TTBK2: variants seen among roughly 807,000 people sequenced by gnomAD.
The protein encoded by TTBK2 is tau tubulin kinase 2, also known as tau-tubulin kinase 2.
In TTBK2, 28 loss-of-function variants were observed where a neutral mutation model predicts 110.8. The observed-to-expected ratio is 0.25, with a 90% confidence interval of 0.19 to 0.35. TTBK2 has a LOEUF of 0.35. Among genes scored for constraint, TTBK2 ranks in the 10% least tolerant of loss-of-function variants. The probability of loss-of-function intolerance (pLI) is 1.00; values close to 1 mark genes in which losing one functional copy is unlikely to be tolerated. For missense variants in TTBK2, 1,369 were observed against 1,500.3 expected (o/e 0.91, Z 1.45); for synonymous variants, 532 against 527.3 (o/e 1.01, Z -0.12).
At chr15:42,789,264 T>G (rs1890540146) in intron 10 of TTBK2, among the ~76,000 whole-genome samples, 1 of 151,048 alleles carries the variant, frequency 6.6e-6, no homozygotes, top group Admixed American at 6.7e-5. Context: ...TCAATCTCTG[T>G]GTATTTGAGT....
At chr15:42,839,226 G>A (rs936577158) in intron 4 of TTBK2, among the ~76,000 whole-genome samples, 3 of 152,086 alleles carry the variant, frequency 2.0e-5, no homozygotes, top group Admixed American at 1.3e-4. Context: ...GCATTAATTT[G>A]CTTAGGATAA....
intron 2 of TTBK2, among the ~76,000 whole-genome samples, chr15:42,873,164 G>A (rs910273028): frequency 3.3e-5 from 5 of 152,130 alleles, no homozygotes; most frequent in African/African-American, 1.2e-4. Context: ...GAGTGCAGTG[G>A]CTCACACCTG....
chr15:42,791,191 G>T (rs1378366246), intron 10 of TTBK2, among the ~76,000 whole-genome samples: 2 of 151,950 alleles, frequency 1.3e-5, no homozygotes, highest in Non-Finnish European at 2.9e-5. Context: ...GCCAATTTTT[G>T]TATTTTTCAG....
Position 42,857,948 on chromosome 15 carries a change from T to C in TTBK2, c.217+14663A>G, listed in dbSNP as rs192652599. Among the ~76,000 whole-genome samples the C allele has an allele frequency of 5.8e-3, 879 of 152,150 alleles. 4 individuals are homozygous for C. The highest frequency in any genetic ancestry group is 9.5e-3 in the Non-Finnish European group (644 of 67,992). On this transcript the variant is annotated intron_variant, in intron 3 of 14. Transcript: ENST00000267890. ...AAATACAAAAATTAGCCAGGCATGG[T>C]GGCACATGCCTGTCGTCCCAGCTAC... is the stretch of plus-strand genomic sequence containing the variant.
chr15:42,785,115 A>ATT (rs199963873), intron 10 of TTBK2, among the ~76,000 whole-genome samples: 71 of 102,194 alleles, frequency 6.9e-4, no homozygotes, highest in African/African-American at 9.2e-4. Context: ...TCACTTGCAG[A>ATT]TTTTTTTTTT....
At chr15:42,782,383 A>G (rs1488195523) in intron 11 of TTBK2, among the ~76,000 whole-genome samples, 1 of 151,988 alleles carries the variant, frequency 6.6e-6, no homozygotes, top group African/African-American at 2.4e-5. Flanking sequence ...TCATGTACAT[A>G]TTTTTACTTA....
At chr15:42,857,012 G>C in intron 3 of TTBK2, among the ~76,000 whole-genome samples, 1 of 150,584 alleles carries the variant, frequency 6.6e-6, no homozygotes, top group Non-Finnish European at 1.5e-5. Flanking sequence ...AGTGAGCTGA[G>C]ATCACGCCAC....
chr15:42,760,334 G>C (rs2062006766), intron 13 of TTBK2, among the ~76,000 whole-genome samples: 1 of 141,364 alleles, frequency 7.1e-6, no homozygotes, highest in Non-Finnish European at 1.5e-5. Context: ...GCAGTGAGCT[G>C]AGATCATGCC....
intron 1 of TTBK2, among the ~76,000 whole-genome samples, chr15:42,918,363 T>A (rs930605336): frequency 1.4e-4 from 22 of 151,958 alleles, no homozygotes; most frequent in African/African-American, 7.2e-5. Context: ...TTTTTTTTTT[T>A]AAAGCAGCAA....
chr15:42,775,272 A>G lies in TTBK2; in HGVS notation c.1861T>C (p.Ser621Pro). 6.2e-7 allele frequency: 1 copy of G among 1,614,232 alleles called. No individual in the cohort carries two copies. The stretch of plus-strand genomic sequence containing the variant: ...GCAGCAGTAGGAGGACCCTCTGCAG[A>G]AAGTGCTAAGACCACACCTGAGGTT... ...KETSGVVLAL[S>P]AEGPPTAASE... Residue 621 changes from serine (S) to proline (P), a missense_variant, in exon 13 of 15, where the codon TCT (serine) becomes CCT (proline). Ser to Pro is a moderately conservative substitution (Grantham distance 74). Around this residue, in one of 4 missense-constraint regions of TTBK2, gnomAD observed 1,097 missense variants for 1,114.7 expected, o/e 0.98. Transcript: ENST00000267890.
chr15:42,801,514 C>T, intron 9 of TTBK2: 12 of 767,852 alleles, frequency 1.6e-5, no homozygotes, highest in South Asian at 1.5e-4. Context: ...TTGCACACCA[C>T]AGGTCATCCC....
Position 42,775,663 on chromosome 15 carries a change from C to A in TTBK2, c.1470G>T (p.Leu490=). 6.2e-7 allele frequency: 1 copy of A among 1,613,234 alleles called. No homozygotes were observed. Among genetic ancestry groups the A allele is most frequent in the Non-Finnish European group, 8.5e-7 (1 of 1,179,664 alleles). ...AGKESILPAL[L]HKPCVPAVSR... ...ACACAGCAGGAACGCAAGGCTTATG[C>A]AGCAGAGCAGGGAGAATAGATTCTT... Residue 490 remains leucine (L), a synonymous_variant, in exon 13 of 15, where the codon CTG becomes CTT. Transcript: ENST00000267890.
chr15:42,868,315 A>C (rs1446601367), intron 3 of TTBK2, among the ~76,000 whole-genome samples: 2 of 152,206 alleles, frequency 1.3e-5, no homozygotes, highest in Admixed American at 6.5e-5. Flanking sequence ...AGGCCCACAG[A>C]ATGTTCAATA....
At chr15:42,759,670 C>T (rs2061996327) in intron 13 of TTBK2, among the ~76,000 whole-genome samples, 1 of 152,212 alleles carries the variant, frequency 6.6e-6, no homozygotes, top group African/African-American at 2.4e-5. Context: ...GCATGGGTTA[C>T]AGCTGAAGAA....
chr15:42,899,744 GA>G (rs1264102902), intron 1 of TTBK2, among the ~76,000 whole-genome samples: 1 of 149,940 alleles, frequency 6.7e-6, no homozygotes, highest in Non-Finnish European at 1.5e-5. Flanking sequence ...TACAAAAAAA[GA>G]AAAAAATTAG....
chr15:42,817,895 C>T (rs751910524), intron 6 of TTBK2, among the ~76,000 whole-genome samples: 3 of 152,200 alleles, frequency 2.0e-5, no homozygotes, highest in Non-Finnish European at 2.9e-5. Context: ...CATTTTAAGG[C>T]TTCTGCTCAC....
rs150254573 is a variant in TTBK2 at position 42,882,571 on chromosome 15, G to A, written c.-67-3887C>T. Among the ~76,000 whole-genome samples the A allele has an allele frequency of 1.8e-3, 275 of 151,860 alleles. 1 individual carries two copies. Among genetic ancestry groups the A allele is most frequent in the African/African-American group, 6.2e-3 (256 of 41,402 alleles). ...GGAGGTTGCAGTGAGCCAAGATTGC[G>A]CCATTGCACTCCAGCCTGGACAACA... On this transcript the variant is annotated intron_variant, in intron 1 of 14. Transcript: ENST00000267890.
intron 9 of TTBK2, among the ~76,000 whole-genome samples, chr15:42,807,012 C>G (rs926273121): frequency 2.6e-5 from 4 of 152,156 alleles, no homozygotes; most frequent in African/African-American, 7.2e-5. Context: ...GTTTTCAGCT[C>G]AACCTTGTAG....
intron 5 of TTBK2, 40 bp from the exon 6 acceptor site, chr15:42,828,072 T>C: frequency 2.1e-6 from 3 of 1,441,182 alleles, no homozygotes; most frequent in East Asian, 2.4e-5. Flanking sequence ...ATTCTTATAA[T>C]ACTTAGTCCT....
Sources: allele counts gnomAD v4.1 joint callset (sites outside exome capture counted in the v4.1 genomes callset), GRCh38; gene constraint gnomAD v4.1.1; regional missense constraint gnomAD v4.1.1; transcripts MANE v1.5; gene names NCBI Gene and HGNC (gene_info 2026-07-23, HGNC 2026-07-21).